Variants in THSD7B observed in about 807,000 individuals in gnomAD.
THSD7B encodes thrombospondin type-1 domain-containing protein 7B.
In THSD7B, 138 loss-of-function variants were observed where a neutral mutation model predicts 213.6. That is an observed-to-expected ratio of 0.65 (90% confidence interval 0.56 to 0.74). The LOEUF is 0.74. THSD7B is among the 30% of genes least tolerant of loss of function. The pLI, the probability that THSD7B is intolerant of heterozygous loss-of-function variation, is 0.00. For synonymous variants in THSD7B, 742 were observed against 687.0 expected, an observed-to-expected ratio of 1.08 and a Z score of -1.25; for missense variants, 1,931 against 1,991.5, an observed-to-expected ratio of 0.97 and a Z score of 0.58.
intron 7 of THSD7B, among the ~76,000 whole-genome samples, chr2:137,210,438 A>G (rs190890482): frequency 2.6e-5 from 4 of 152,236 alleles, no homozygotes; most frequent in Admixed American, 2.6e-4. Flanking sequence ...GTTAAAATAT[A>G]TACATTCATT....
chr2:137,462,602 T>C (rs1331226069), intron 15 of THSD7B, among the ~76,000 whole-genome samples: 1 of 152,062 alleles, frequency 6.6e-6, no homozygotes, highest in Non-Finnish European at 1.5e-5. Flanking sequence ...GCCTCTCCTT[T>C]GTTCTCCAAA....
chr2:137,560,463 G>T (rs1427180681), intron 15 of THSD7B, among the ~76,000 whole-genome samples: 1 of 151,896 alleles, frequency 6.6e-6, no homozygotes. Flanking sequence ...ATCTCAAGGA[G>T]AAAAAACCAA....
chr2:137,145,026 GGA>G (rs1437511015), intron 5 of THSD7B, among the ~76,000 whole-genome samples: 1 of 152,012 alleles, frequency 6.6e-6, no homozygotes, highest in African/African-American at 2.4e-5. Context: ...TAAGATTCAA[GGA>G]GAGAGCACAG....
At chr2:136,993,089 G>C (rs1052717457) in intron 2 of THSD7B, among the ~76,000 whole-genome samples, 17 of 152,184 alleles carry the variant, frequency 1.1e-4, no homozygotes, top group Non-Finnish European at 2.2e-4. Flanking sequence ...AAAGCCACCT[G>C]AATGATTCAT....
At chr2:137,478,143 T>C (rs1688230176) in intron 15 of THSD7B, among the ~76,000 whole-genome samples, 2 of 152,186 alleles carry the variant, frequency 1.3e-5, no homozygotes, top group South Asian at 4.1e-4. Context: ...TTCTTAGACT[T>C]GGGAAGTTTT....
At chr2:137,068,442 A>G (rs1687419786) in intron 3 of THSD7B, among the ~76,000 whole-genome samples, 1 of 152,066 alleles carries the variant, frequency 6.6e-6, no homozygotes, top group Non-Finnish European at 1.5e-5. Flanking sequence ...TGTAACTTTC[A>G]TTGCCAAAAA....
intron 1 of THSD7B, among the ~76,000 whole-genome samples, chr2:136,771,543 G>T (rs1352978141): frequency 1.3e-5 from 2 of 151,884 alleles, no homozygotes; most frequent in African/African-American, 4.8e-5. Flanking sequence ...TATTTAAAGT[G>T]GCCAAAAATG....
At chr2:136,904,629 C>T (rs746569444) in intron 2 of THSD7B, among the ~76,000 whole-genome samples, 4 of 152,174 alleles carry the variant, frequency 2.6e-5, no homozygotes, top group Admixed American at 2.0e-4. Context: ...CATGTCAGAA[C>T]ACTCAGGGGT....
At chr2:136,777,693 C>G (rs983099433) in intron 1 of THSD7B, among the ~76,000 whole-genome samples, 1 of 151,954 alleles carries the variant, frequency 6.6e-6, no homozygotes, top group Non-Finnish European at 1.5e-5. Context: ...TTGGACTAAA[C>G]ATAAAATGAA....
chr2:137,065,096 T>A (rs1006288044), intron 3 of THSD7B, among the ~76,000 whole-genome samples: 1 of 152,088 alleles, frequency 6.6e-6, no homozygotes, highest in Non-Finnish European at 1.5e-5. Context: ...AATCTATAGA[T>A]TACTTTGAGT....
At chr2:137,591,020 C>T (rs760478249) in intron 17 of THSD7B, among the ~76,000 whole-genome samples, 1 of 151,442 alleles carries the variant, frequency 6.6e-6, no homozygotes, top group African/African-American at 2.4e-5. Flanking sequence ...TAAAAATTCC[C>T]TTGTGGAAGA....
chr2:137,572,374 TA>T (rs1171530568), intron 16 of THSD7B, 31 bp from the exon 17 acceptor site: 1 of 1,612,320 alleles, frequency 6.2e-7, no homozygotes, highest in Non-Finnish European at 8.5e-7. Context: ...CTGTTTTAAA[TA>T]ATCAAACTAT....
intron 1 of THSD7B, among the ~76,000 whole-genome samples, chr2:136,805,396 C>T (rs1300125666): frequency 6.6e-6 from 1 of 152,142 alleles, no homozygotes; most frequent in Non-Finnish European, 1.5e-5. Flanking sequence ...GCATCCCCAC[C>T]AATAGGAGGG....
At chr2:136,896,065 C>A (rs760803871) in intron 2 of THSD7B, among the ~76,000 whole-genome samples, 3 of 152,168 alleles carry the variant, frequency 2.0e-5, no homozygotes, top group Non-Finnish European at 4.4e-5. Context: ...GCATAACATG[C>A]AAATTTTGGC....
chr2:137,257,787 ATC>A (rs1682342399), intron 10 of THSD7B, among the ~76,000 whole-genome samples: 1 of 152,178 alleles, frequency 6.6e-6, no homozygotes, highest in Non-Finnish European at 1.5e-5. Flanking sequence ...AGCTGAGAAC[ATC>A]TAAGGATTGG....
At chr2:137,008,889 A>G (rs1328957361) in intron 2 of THSD7B, among the ~76,000 whole-genome samples, 1 of 152,252 alleles carries the variant, frequency 6.6e-6, no homozygotes. Flanking sequence ...TACAAACTAC[A>G]GTGTAATTTC....
intron 3 of THSD7B, among the ~76,000 whole-genome samples, chr2:137,088,911 C>T (rs1687892950): frequency 6.6e-6 from 1 of 152,076 alleles, no homozygotes; most frequent in Admixed American, 6.5e-5. Context: ...CAAATCAAAA[C>T]CACAATGGGA....
intron 12 of THSD7B, among the ~76,000 whole-genome samples, chr2:137,308,983 T>A (rs925605229): frequency 2.0e-5 from 3 of 152,128 alleles, no homozygotes; most frequent in African/African-American, 7.2e-5. Flanking sequence ...TACAACTTTG[T>A]CCATTTTTAA....
At chr2:137,091,491 T>TTTTTATCTTA (rs1553470197) in intron 3 of THSD7B, among the ~76,000 whole-genome samples, 5 of 150,758 alleles carry the variant, frequency 3.3e-5, no homozygotes, top group African/African-American at 1.2e-4. Flanking sequence ...AAACAACAGA[T>TTTTTATCTTA]TTTTATTTTA....
Sources: allele counts gnomAD v4.1 joint callset (sites outside exome capture counted in the v4.1 genomes callset), GRCh38; gene constraint gnomAD v4.1.1; transcripts MANE v1.5; gene names NCBI Gene and HGNC (gene_info 2026-07-23, HGNC 2026-07-21).